GRM7: variants seen among roughly 807,000 people sequenced by gnomAD.
GRM7 encodes the protein metabotropic glutamate receptor 7.
A neutral mutation model predicts 84.5 loss-of-function variants in GRM7; 35 were observed. The ratio of observed to expected loss-of-function variants is 0.41; its 90% CI spans 0.32 to 0.55. GRM7 has a LOEUF of 0.55. GRM7 is among the 20% of genes least tolerant of loss of function. The pLI is 0.19. For synonymous variants in GRM7, 487 were observed against 455.1 expected (o/e 1.07, Z -0.89); for missense variants, 1,003 against 1,194.6 (o/e 0.84, Z 2.36).
intron 1 of GRM7, among the ~76,000 whole-genome samples, chr3:7,064,411 A>T (rs774409041): frequency 6.8e-4 from 99 of 145,680 alleles, no homozygotes; most frequent in Non-Finnish European, 1.3e-3. Context: ...AAATGCTGTT[A>T]AATCACTCTT....
chr3:7,475,122 G>T (rs1199062571), intron 7 of GRM7, among the ~76,000 whole-genome samples: 1 of 152,178 alleles, frequency 6.6e-6, no homozygotes, highest in African/African-American at 2.4e-5. Context: ...GAAGTAACAA[G>T]CTTTGAACAA....
chr3:7,262,974 G>A (rs1023150310), intron 2 of GRM7, among the ~76,000 whole-genome samples: 3 of 152,240 alleles, frequency 2.0e-5, no homozygotes, highest in Non-Finnish European at 2.9e-5. Flanking sequence ...TAGAATTACA[G>A]GCGTGAGCCA....
At chr3:7,163,805 G>A (rs1694711547) in intron 2 of GRM7, among the ~76,000 whole-genome samples, 1 of 152,200 alleles carries the variant, frequency 6.6e-6, no homozygotes, top group African/African-American at 2.4e-5. Flanking sequence ...TTCAAAGAAA[G>A]TATCTCATTA....
Position 7,578,464 on chromosome 3 carries a change from G to A in GRM7, c.1558G>A (p.Ala520Thr), listed in dbSNP as rs758720116. Reference protein sequence around the residue: ...QWGKGVREIPASVCTLPCKPG... With the variant: ...QWGKGVREIPTSVCTLPCKPG... ...GGGTAAAGGAGTCCGAGAGATACCC[G>A]CCTCAGTGTGCACACTACCATGTAA... The change falls in exon 8 of 10, where the codon GCC becomes ACC. Residue 520 changes from alanine to threonine, a missense_variant. Transcript: ENST00000357716. The A allele has an allele frequency of 5.0e-5, 80 of 1,613,264 alleles. No individual in the cohort carries two copies. The East Asian group carries it at 9.4e-4, about 19-fold the overall frequency.
chr3:7,647,123 G>C (rs1313566051), intron 8 of GRM7, among the ~76,000 whole-genome samples: 2 of 152,216 alleles, frequency 1.3e-5, no homozygotes, highest in African/African-American at 4.8e-5. Context: ...TGGAAGGAAA[G>C]AACCCGTGTG....
At chr3:7,573,125 C>G (rs1386778085) in intron 7 of GRM7, among the ~76,000 whole-genome samples, 1 of 151,650 alleles carries the variant, frequency 6.6e-6, no homozygotes, top group Non-Finnish European at 1.5e-5. Context: ...CCTCACCCCT[C>G]CTCATCAGAA....
chr3:7,052,849 A>G (rs980298747), intron 1 of GRM7, among the ~76,000 whole-genome samples: 4 of 151,012 alleles, frequency 2.6e-5, no homozygotes, highest in African/African-American at 9.7e-5. Flanking sequence ...AAACTGTTAT[A>G]AACACTTATG....
intron 2 of GRM7, among the ~76,000 whole-genome samples, chr3:7,196,024 A>G (rs1479307547): frequency 2.0e-5 from 3 of 151,996 alleles, no homozygotes; most frequent in African/African-American, 7.3e-5. Flanking sequence ...CTATCTACCT[A>G]CCTATGTACC....
At chr3:7,046,943 G>C (rs944413826) in intron 1 of GRM7, among the ~76,000 whole-genome samples, 2 of 152,010 alleles carry the variant, frequency 1.3e-5, no homozygotes, top group African/African-American at 4.8e-5. Flanking sequence ...TGAATAAAGA[G>C]TAAATGAAGG....
Position 7,609,475 on chromosome 3 carries a change from C to G in GRM7, c.2451+30118C>G, listed in dbSNP as rs1696745894. 2.6e-5 allele frequency among the ~76,000 whole-genome samples: 4 copies of G among 152,146 alleles called. No homozygotes were observed. In the South Asian group the frequency reaches 8.3e-4, roughly 32 times the overall value. ...TCTTGAACAGGGCAGAGTAGAGGAG[C>G]TCTAGACCACAAGTGAAACTTGCAG... On this transcript the variant is annotated intron_variant, in intron 8 of 9. Transcript: ENST00000357716.
chr3:6,881,242 G>T (rs1398794061), intron 1 of GRM7, among the ~76,000 whole-genome samples: 1 of 152,056 alleles, frequency 6.6e-6, no homozygotes, highest in Non-Finnish European at 1.5e-5. Context: ...CATTACATAG[G>T]TATTAAGCCC....
In GRM7 at chr3:7,176,333, CCTG is replaced by C. The variant is rs529551460; in HGVS notation, c.736+29667_736+29669del. Among the ~76,000 whole-genome samples, 13 of 149,658 alleles carry C rather than the reference CCTG, an allele frequency of 8.7e-5. No homozygotes were observed. In the South Asian group the frequency reaches 2.8e-3, roughly 32 times the overall value. ...GGCAAAGGTGGGAGGATTGATTGAG[CCTG>C]CCAGGAGGTCGGTGCTGCAGTGACC... On this transcript the variant is annotated intron_variant, in intron 2 of 9. Transcript: ENST00000357716.
intron 7 of GRM7, among the ~76,000 whole-genome samples, chr3:7,505,768 G>C (rs1180854506): frequency 6.6e-6 from 1 of 152,218 alleles, no homozygotes; most frequent in East Asian, 1.9e-4. Flanking sequence ...GCCCTTGCCA[G>C]CTGCCCAACC....
intron 1 of GRM7, among the ~76,000 whole-genome samples, chr3:7,024,471 TG>T (rs1199293986): frequency 6.6e-6 from 1 of 152,120 alleles, no homozygotes; most frequent in Non-Finnish European, 1.5e-5. Context: ...AGATGAAAAA[TG>T]GTAAACATAG....
chr3:7,615,401 T>C (rs982354749), intron 8 of GRM7, among the ~76,000 whole-genome samples: 3 of 151,674 alleles, frequency 2.0e-5, no homozygotes, highest in African/African-American at 7.3e-5. Flanking sequence ...TTTCTGGTTT[T>C]GGTCATTTTC....
chr3:7,022,631 T>C (rs1470617794), intron 1 of GRM7, among the ~76,000 whole-genome samples: 1 of 152,190 alleles, frequency 6.6e-6, no homozygotes, highest in Non-Finnish European at 1.5e-5. Context: ...ATATTTATAC[T>C]GTTGTAAATG....
chr3:7,169,137 C>T (rs1694901256), intron 2 of GRM7, among the ~76,000 whole-genome samples: 1 of 152,126 alleles, frequency 6.6e-6, no homozygotes, highest in Admixed American at 6.5e-5. Context: ...GAATTGCTTT[C>T]ATTCAAATCT....
At chr3:7,650,127 G>GTGAT (rs1289151847) in intron 8 of GRM7, among the ~76,000 whole-genome samples, 1 of 152,140 alleles carries the variant, frequency 6.6e-6, no homozygotes, top group African/African-American at 2.4e-5. Context: ...GGAAAATATG[G>GTGAT]TGATTTAAAA....
chr3:7,350,159 G>A (rs142891772), intron 4 of GRM7, among the ~76,000 whole-genome samples: 1 of 152,172 alleles, frequency 6.6e-6, no homozygotes, highest in East Asian at 1.9e-4. Flanking sequence ...TAAGTATTTA[G>A]GGTGCTTCTC....
Sources: gnomAD v4.1 joint callset for allele counts (sites outside exome capture counted in the v4.1 genomes callset) on GRCh38, gnomAD v4.1.1 for gene constraint, MANE v1.5 for transcripts, NCBI Gene and HGNC (gene_info 2026-07-23, HGNC 2026-07-21) for gene names.